SEC24B: variants seen among roughly 807,000 people sequenced by gnomAD.
SEC24B encodes the protein SEC24 homolog B, COPII component, also known as protein transport protein Sec24B.
Under a neutral mutation model 142.8 loss-of-function variants are expected in SEC24B, and 45 were observed. The ratio of observed to expected loss-of-function variants is 0.32; its 90% CI spans 0.25 to 0.40. The LOEUF (loss-of-function observed/expected upper bound fraction) is 0.40. SEC24B is among the 10% of genes least tolerant of loss of function. The pLI, the probability that SEC24B is intolerant of heterozygous loss-of-function variation, is 1.00. For missense variants in SEC24B, 1,409 were observed against 1,526.8 expected (o/e 0.92, Z 1.29); for synonymous variants, 574 against 568.2 (o/e 1.01, Z -0.15).
In SEC24B at chr4:109,520,353, T is replaced by A; in HGVS notation, c.2127-13T>A. 1.3e-6 allele frequency: 2 copies of A among 1,500,796 alleles called. No homozygotes were observed. Among genetic ancestry groups the A allele is most frequent in the Non-Finnish European group, 1.8e-6 (2 of 1,084,868 alleles). The allele number at this position is 1,500,796 out of a possible 1,614,324, so 93.0% of individuals were successfully genotyped here. A position where few individuals can be genotyped will look rare whatever the true frequency, so the allele number is the denominator to read the frequency against. On this transcript the variant is annotated splice_polypyrimidine_tract_variant and intron_variant, in intron 11 of 23. Coordinates refer to ENST00000265175, the MANE Select transcript of SEC24B (RefSeq NM_006323.5). ...GAGCACTCTGAATTTAAAATTGTCA[T>A]TTTTATCTTTAGGCTTCCTGGAGAT...
Position 109,530,342 on chromosome 4 carries a change from A to G in SEC24B, c.3130A>G (p.Asn1044Asp). ...GTCAGATGCAAGAGATGCCTTAGTG[A>G]ATGCTGTAGTGGACTCATTGTCTGC... ...SLSDARDALV[N>D]AVVDSLSAYG... Residue 1044 changes from asparagine to aspartate, a missense_variant, in exon 19 of 24, where the codon AAT becomes GAT. Transcript: ENST00000265175. 1 of 1,614,016 alleles carries G rather than the reference A, an allele frequency of 6.2e-7. No individual in the cohort carries two copies. Among genetic ancestry groups the G allele is most frequent in the Non-Finnish European group, 8.5e-7 (1 of 1,179,956 alleles).
intron 22 of SEC24B, among the ~76,000 whole-genome samples, chr4:109,536,241 A>T (rs1725518932): frequency 6.6e-6 from 1 of 152,212 alleles, no homozygotes; most frequent in Non-Finnish European, 1.5e-5. Flanking sequence ...GTAGTTATTT[A>T]AGTACCATGA....
chr4:109,448,874 A>G (rs1398253453), intron 1 of SEC24B, among the ~76,000 whole-genome samples: 2 of 150,362 alleles, frequency 1.3e-5, no homozygotes, highest in Non-Finnish European at 3.0e-5. Flanking sequence ...TCAGGATATC[A>G]TGTTGCATTT....
At chr4:109,533,421 C>CA (rs1725146286) in intron 21 of SEC24B, among the ~76,000 whole-genome samples, 172 bp from the exon 22 acceptor site, 1 of 152,082 alleles carries the variant, frequency 6.6e-6, no homozygotes, top group African/African-American at 2.4e-5. Context: ...TAATCAAAGA[C>CA]GATGTGAACC....
chr4:109,537,790 G>T (rs1185044251), intron 22 of SEC24B, among the ~76,000 whole-genome samples: 1 of 152,108 alleles, frequency 6.6e-6, no homozygotes, highest in Non-Finnish European at 1.5e-5. Flanking sequence ...CATCAAAATG[G>T]AAATGGTTTT....
At chr4:109,450,295 T>G (rs1042138458) in intron 1 of SEC24B, among the ~76,000 whole-genome samples, 9 of 152,152 alleles carry the variant, frequency 5.9e-5, no homozygotes, top group African/African-American at 2.2e-4. Flanking sequence ...TATGTTCAAA[T>G]CACCACAGTA....
chr4:109,443,747 G>C (rs17040433), intron 1 of SEC24B, among the ~76,000 whole-genome samples: 16,915 of 152,100 alleles, frequency 0.11, 3,124 homozygotes, highest in African/African-American at 0.38. Flanking sequence ...GAGTTTTGAA[G>C]AGGAAACAAT....
At chr4:109,453,323 C>T (rs1448489058) in intron 1 of SEC24B, among the ~76,000 whole-genome samples, 3 of 151,410 alleles carry the variant, frequency 2.0e-5, no homozygotes, top group Non-Finnish European at 2.9e-5. Context: ...GACTAGAATT[C>T]ACCAGGCTGG....
chr4:109,465,283 C>T (rs1024281363), intron 2 of SEC24B, among the ~76,000 whole-genome samples: 1 of 152,218 alleles, frequency 6.6e-6, no homozygotes, highest in Non-Finnish European at 1.5e-5. Flanking sequence ...ATCACTGGCA[C>T]AGATTGTGAT....
chr4:109,455,829 A>G (rs371154382), intron 1 of SEC24B, among the ~76,000 whole-genome samples: 6 of 152,268 alleles, frequency 3.9e-5, no homozygotes, highest in East Asian at 1.9e-4. Context: ...TGAGTCTTCC[A>G]ACTTTGTTCC....
chr4:109,437,910 A>G (rs1005699241), intron 1 of SEC24B, among the ~76,000 whole-genome samples: 3 of 152,228 alleles, frequency 2.0e-5, no homozygotes, highest in Non-Finnish European at 2.9e-5. Flanking sequence ...GACGTGAGCC[A>G]CCGTGCCTGG....
chr4:109,485,551 G>A (rs1734271311), intron 4 of SEC24B, among the ~76,000 whole-genome samples: 1 of 151,950 alleles, frequency 6.6e-6, no homozygotes, highest in African/African-American at 2.4e-5. Context: ...CTATATTATT[G>A]ACATTTTTAC....
intron 6 of SEC24B, among the ~76,000 whole-genome samples, chr4:109,500,325 C>G (rs1735984315): frequency 6.6e-6 from 1 of 152,038 alleles, no homozygotes; most frequent in Non-Finnish European, 1.5e-5. Context: ...GGGTGGATCA[C>G]CTGAGGTCAG....
At chr4:109,528,126 G>C (rs944244920) in intron 18 of SEC24B, among the ~76,000 whole-genome samples, 4 of 152,124 alleles carry the variant, frequency 2.6e-5, no homozygotes, top group Admixed American at 2.6e-4. Context: ...GCCAGGTGTG[G>C]TGGCTCATGC....
intron 2 of SEC24B, among the ~76,000 whole-genome samples, chr4:109,469,047 T>C (rs572743040): frequency 2.0e-5 from 3 of 152,206 alleles, no homozygotes; most frequent in African/African-American, 7.2e-5. Flanking sequence ...ATTGCAGCGC[T>C]TTGGGAGGCT....
chr4:109,447,913 C>T (rs530783643), intron 1 of SEC24B, among the ~76,000 whole-genome samples: 1 of 152,178 alleles, frequency 6.6e-6, no homozygotes, highest in South Asian at 2.1e-4. Context: ...TAATTTCTTG[C>T]CTTTGTCAGC....
At chr4:109,488,833 T>A (rs1266597464) in intron 4 of SEC24B, 1 of 166,556 alleles carries the variant, frequency 6.0e-6, no homozygotes, top group African/African-American at 2.4e-5. Context: ...TTGTTTTGAT[T>A]TTCATTTTCC....
intron 14 of SEC24B, among the ~76,000 whole-genome samples, chr4:109,522,506 A>G (rs1723754930): frequency 6.6e-6 from 1 of 152,248 alleles, no homozygotes; most frequent in Admixed American, 6.5e-5. Flanking sequence ...TAACTATTTA[A>G]TGGTAAAAGT....
At position 109,538,332 on chromosome 4, in the gene SEC24B, A is replaced by AGATTTTT. The variant is rs1475811855; in HGVS notation, c.3589-160_3589-154dup. 2.6e-5 allele frequency among the ~76,000 whole-genome samples: 4 copies of AGATTTTT among 152,382 alleles called. No individual in the cohort carries two copies. The East Asian group carries it at 7.7e-4, about 29-fold the overall frequency. On this transcript the variant is annotated intron_variant, in intron 22 of 23. Coordinates refer to ENST00000265175, the MANE Select transcript of SEC24B (RefSeq NM_006323.5). ...TTGACTTATCCAGAAAAATATAAACAGATTTTTCAACAGTTTAAATTTTAT... is the reference window on the plus strand; with the variant it reads ...TTGACTTATCCAGAAAAATATAAACAGATTTTTGATTTTTCAACAGTTTAAATTTTAT...
Sources: allele counts gnomAD v4.1 joint callset (sites outside exome capture counted in the v4.1 genomes callset), GRCh38; gene constraint gnomAD v4.1.1; transcripts MANE v1.5; gene names NCBI Gene and HGNC (gene_info 2026-07-23, HGNC 2026-07-21).